The following OAS2 variants were observed in gnomAD, a reference collection of about 807,000 sequenced individuals.
The protein encoded by OAS2 is 2'-5'-oligoadenylate synthetase 2.
OAS2 carries 67 observed loss-of-function variants against 71.3 expected under a neutral mutation model. The ratio of observed to expected loss-of-function variants is 0.94; its 90% confidence interval spans 0.77 to 1.15. The LOEUF (loss-of-function observed/expected upper bound fraction) is 1.15, where lower values mean the gene tolerates loss of function less well. OAS2 is among the 50% of genes most tolerant of loss of function. OAS2 has a pLI of 0.00. For synonymous variants in OAS2, 327 were observed against 321.8 expected (o/e 1.02, Z -0.17); for missense variants, 789 against 822.5 (o/e 0.96, Z 0.50).
In OAS2 at chr12:113,003,210, A is replaced by G. The variant is rs373335209; in HGVS notation, c.1179+108A>G. On this transcript the variant is annotated intron_variant, in intron 6 of 9. Coordinates refer to ENST00000392583, the MANE Select transcript of OAS2 (RefSeq NM_002535.3). ...TCTCCAGGATCCATCTACCTTCAGA[A>G]ACTTGAGGAAGGGAAGCCAGGAGTT... 236 of 1,217,364 alleles carry G rather than the reference A, an allele frequency of 1.9e-4. 1 individual carries two copies. The African/African-American group carries it at 2.9e-3, about 15-fold the overall frequency. 75.4% of individuals were successfully genotyped at this position (1,217,364 alleles called of 1,614,324 possible).
Position 113,006,491 on chromosome 12 carries a change from C to T in OAS2, c.1547C>T (p.Pro516Leu), listed in dbSNP as rs199526900. 2.7e-5 allele frequency: 43 copies of T among 1,613,578 alleles called. No individual in the cohort carries two copies. The highest frequency in any genetic ancestry group is 3.3e-4 in the Middle Eastern group (2 of 6,052). The change falls in exon 8 of 10, where the codon CCG becomes CTG. Residue 516 changes from proline (P) to leucine (L), a missense_variant. Physicochemically the swap from Pro to Leu is moderately conservative, Grantham distance 98. Coordinates refer to ENST00000392583, the MANE Select transcript of OAS2 (RefSeq NM_002535.3). ...LIDLYKSSDL[P>L]GGEFSTCFTV... ...GATCTGTATAAATCCTCGGACCTCCCGGGAGGAGAGTTTTCTACCTGTTTC... is the reference window on the plus strand; with the variant it reads ...GATCTGTATAAATCCTCGGACCTCCTGGGAGGAGAGTTTTCTACCTGTTTC...
intron 1 of OAS2, among the ~76,000 whole-genome samples, chr12:112,984,362 C>T (rs1038482572): frequency 1.3e-5 from 2 of 152,124 alleles, no homozygotes; most frequent in African/African-American, 4.8e-5. Context: ...TTAAAGTCTA[C>T]TCTGTCTGAT....
At chr12:113,000,403 C>G (rs2044272205) in intron 5 of OAS2, among the ~76,000 whole-genome samples, 1 of 152,124 alleles carries the variant, frequency 6.6e-6, no homozygotes, top group South Asian at 2.1e-4. Context: ...CCATCCCTGT[C>G]TCTGCAGTTG....
chr12:113,004,147 G>C (rs1406992883), intron 6 of OAS2, among the ~76,000 whole-genome samples: 5 of 152,192 alleles, frequency 3.3e-5, no homozygotes, highest in Admixed American at 6.5e-5. Context: ...GTGACACCTA[G>C]AGATTGTAAG....
chr12:113,005,013 G>T lies in OAS2; in HGVS notation c.1259G>T (p.Ser420Ile), dbSNP rs376666772. 6.2e-7 allele frequency: 1 copy of T among 1,614,014 alleles called. No individual in the cohort carries two copies. Among genetic ancestry groups the T allele is most frequent in the Non-Finnish European group, 8.5e-7 (1 of 1,180,010 alleles). The change falls in exon 7 of 10, where the codon AGC becomes ATC. Residue 420 changes from serine to isoleucine, a missense_variant. By Grantham distance (142) the Ser-to-Ile change is moderately radical. Coordinates refer to ENST00000392583, the MANE Select transcript of OAS2 (RefSeq NM_002535.3). ...DLVVFHNSLKSYTSQKNERHK... is the reference protein window; with the variant it reads ...DLVVFHNSLKIYTSQKNERHK... ...GTCGTGTTCCATAACTCACTTAAAA[G>T]CTACACCTCCCAAAAAAACGAGCGG... is the stretch of plus-strand genomic sequence containing the variant.
chr12:112,987,578 A>C, intron 2 of OAS2: 2 of 1,288,374 alleles, frequency 1.6e-6, no homozygotes, highest in Non-Finnish European at 2.0e-6. Flanking sequence ...GTACACATAA[A>C]TCACCTGGAA....
intron 2 of OAS2, among the ~76,000 whole-genome samples, chr12:112,989,419 C>T (rs549484039): frequency 2.0e-4 from 30 of 152,276 alleles, no homozygotes; most frequent in African/African-American, 7.0e-4. Context: ...AGACATGAGA[C>T]ATCAATCAAT....
At chr12:113,002,652 C>T (rs575332129) in intron 5 of OAS2, among the ~76,000 whole-genome samples, 38 of 152,260 alleles carry the variant, frequency 2.5e-4, no homozygotes, top group Non-Finnish European at 4.1e-4. Flanking sequence ...GTTAGGAACA[C>T]GACAGATCTG....
chr12:112,998,176 G>A (rs1406193356), intron 4 of OAS2, 90 bp from the exon 5 acceptor site: 93 of 1,429,112 alleles, frequency 6.5e-5, no homozygotes, highest in South Asian at 4.0e-4. Context: ...TCAAGTTGCC[G>A]GATTCCCACT....
At chr12:112,994,514 C>T (rs11066465) in intron 2 of OAS2, among the ~76,000 whole-genome samples, 11,981 of 152,190 alleles carry the variant, frequency 0.079, 756 homozygotes, top group East Asian at 0.31. Context: ...ATCCACCTCT[C>T]GGGGTCAAGG....
At chr12:112,989,994 A>G (rs1253384733) in intron 2 of OAS2, among the ~76,000 whole-genome samples, 1 of 152,154 alleles carries the variant, frequency 6.6e-6, no homozygotes. Context: ...CGTCACCACC[A>G]GGGATGGGGC....
intron 2 of OAS2, among the ~76,000 whole-genome samples, chr12:112,992,213 A>G (rs1033621054): frequency 6.6e-6 from 1 of 151,962 alleles, no homozygotes; most frequent in Non-Finnish European, 1.5e-5. Context: ...TGGGCAACAT[A>G]GTGAAACCCC....
At chr12:113,001,477 C>T (rs1212174691) in intron 5 of OAS2, among the ~76,000 whole-genome samples, 1 of 144,288 alleles carries the variant, frequency 6.9e-6, no homozygotes. Context: ...CATATATACA[C>T]ATATATACAC....
In OAS2 at chr12:113,009,221, T is replaced by G; in HGVS notation, c.2030T>G (p.Ile677Arg). 6.2e-7 allele frequency: 1 copy of G among 1,614,080 alleles called. No homozygotes were observed. The highest frequency in any genetic ancestry group is 8.5e-7 in the Non-Finnish European group (1 of 1,179,960). ...TTCAAGGATGGGACTGGAAACCCAA[T>G]ACCACCTTGGAAAGTGCCGGTAAAA... ...PCFKDGTGNP[I>R]PPWKVPVKVI The change falls in exon 10 of 10, where the codon ATA (isoleucine) becomes AGA (arginine). Residue 677 changes from isoleucine (I) to arginine (R), a missense_variant. Coordinates refer to ENST00000392583, the MANE Select transcript of OAS2 (RefSeq NM_002535.3).
chr12:112,991,361 A>C (rs548269205), intron 2 of OAS2, among the ~76,000 whole-genome samples: 1 of 152,360 alleles, frequency 6.6e-6, no homozygotes, highest in Admixed American at 6.5e-5. Context: ...CAGTTAGTTT[A>C]GAAAGTTTAT....
At chr12:112,980,505 C>T (rs1193353845) in intron 1 of OAS2, among the ~76,000 whole-genome samples, 3 of 152,134 alleles carry the variant, frequency 2.0e-5, no homozygotes, top group Non-Finnish European at 4.4e-5. Flanking sequence ...TCTTTCTATG[C>T]CTGACTTATT....
chr12:113,007,729 G>C lies in OAS2; in HGVS notation c.1681G>C (p.Gly561Arg), dbSNP rs1241162683. 3 of 1,614,034 alleles carry C rather than the reference G, an allele frequency of 1.9e-6. No individual in the cohort carries two copies. The highest frequency in any genetic ancestry group is 1.1e-5 in the South Asian group (1 of 91,048). ...KECERKLKPK[G>R]SLPPKYALEL... ...GTGTGAAAGGAAACTGAAGCCAAAGGGGTCTTTGCCCCCAAAGTATGCCTT... is the reference window on the plus strand; with the variant it reads ...GTGTGAAAGGAAACTGAAGCCAAAGCGGTCTTTGCCCCCAAAGTATGCCTT... The change falls in exon 9 of 10, where the codon GGG becomes CGG. Residue 561 changes from glycine to arginine, a missense_variant. By Grantham distance (125) the Gly-to-Arg change is moderately radical (BLOSUM62 -2). Transcript: ENST00000392583.
intron 5 of OAS2, among the ~76,000 whole-genome samples, chr12:112,999,337 C>T (rs538626201): frequency 2.0e-5 from 3 of 152,220 alleles, no homozygotes; most frequent in African/African-American, 7.2e-5. Context: ...GAAGAACCTT[C>T]CCAGGTTAGA....
At chr12:113,009,005 C>T in intron 9 of OAS2, 82 bp from the exon 10 acceptor site, 1 of 1,534,002 alleles carries the variant, frequency 6.5e-7, no homozygotes, top group South Asian at 1.3e-5. Flanking sequence ...TGTCTTATTG[C>T]TGAAAGTATT....
Sources: allele counts gnomAD v4.1 joint callset (sites outside exome capture counted in the v4.1 genomes callset), GRCh38; gene constraint gnomAD v4.1.1; transcripts MANE v1.5; gene names NCBI Gene and HGNC (gene_info 2026-07-23, HGNC 2026-07-21).